CHRM3: variants seen among roughly 807,000 people sequenced by gnomAD.
The protein encoded by CHRM3 is cholinergic receptor muscarinic 3.
CHRM3 carries 11 observed loss-of-function variants against 41.8 expected under a neutral mutation model. That is an observed-to-expected ratio of 0.26 (90% confidence interval 0.17 to 0.44). The LOEUF (loss-of-function observed/expected upper bound fraction) is 0.44, where lower values mean the gene tolerates loss of function less well. Ranked by LOEUF, CHRM3 falls within the 20% of genes least tolerant of loss-of-function variation. The pLI is 1.00. For synonymous variants in CHRM3, 297 were observed against 301.4 expected, an observed-to-expected ratio of 0.99 and a Z score of 0.15; for missense variants, 571 against 745.4, an observed-to-expected ratio of 0.77 and a Z score of 2.72.
chr1:239,469,411 T>A (rs1218047738), intron 1 of CHRM3, among the ~76,000 whole-genome samples: 1 of 152,194 alleles, frequency 6.6e-6, no homozygotes, highest in African/African-American at 2.4e-5. Context: ...ACCTGGCACG[T>A]AGAAGGTTTT....
At chr1:239,734,972 A>C (rs1664277942) in intron 5 of CHRM3, among the ~76,000 whole-genome samples, 1 of 152,160 alleles carries the variant, frequency 6.6e-6, no homozygotes, top group Admixed American at 6.6e-5. Flanking sequence ...CATAGCATGT[A>C]TTCATTTGAA....
chr1:239,534,863 A>C (rs1455450496), intron 2 of CHRM3, among the ~76,000 whole-genome samples: 1 of 152,242 alleles, frequency 6.6e-6, no homozygotes, highest in Non-Finnish European at 1.5e-5. Context: ...TTATCATTAA[A>C]TGAAAGGTTC....
At chr1:239,806,012 A>G (rs1164741169) in intron 5 of CHRM3, among the ~76,000 whole-genome samples, 1 of 152,186 alleles carries the variant, frequency 6.6e-6, no homozygotes, top group Non-Finnish European at 1.5e-5. Context: ...CTGCATTTTG[A>G]AAGCTTTTGA....
chr1:239,569,266 G>T (rs1055623121), intron 3 of CHRM3, among the ~76,000 whole-genome samples: 2 of 152,130 alleles, frequency 1.3e-5, no homozygotes, highest in Non-Finnish European at 2.9e-5. Context: ...TTTAAAAATG[G>T]TAAATGGTGT....
At chr1:239,583,553 T>G (rs1663108989) in intron 3 of CHRM3, among the ~76,000 whole-genome samples, 1 of 152,164 alleles carries the variant, frequency 6.6e-6, no homozygotes, top group Non-Finnish European at 1.5e-5. Context: ...AGATACTTAG[T>G]CTAAGAATTT....
intron 2 of CHRM3, among the ~76,000 whole-genome samples, chr1:239,500,365 G>T (rs1214590386): frequency 6.8e-6 from 1 of 147,694 alleles, no homozygotes. Context: ...CTACCGCAAG[G>T]ACAAAAAACC....
rs775730263 is a variant in CHRM3 at position 239,908,883 on chromosome 1, C to T, written c.1432C>T (p.Arg478Trp). The T allele has an allele frequency of 1.7e-5, 28 of 1,613,968 alleles. No individual in the cohort carries two copies. The East Asian group carries it at 4.0e-4, about 23-fold the overall frequency. ...ALKTRSQITK[R>W]KRMSLVKEKK... ...GAAGACCAGAAGTCAGATCACTAAG[C>T]GGAAAAGGATGTCCCTGGTCAAGGA... Residue 478 changes from arginine (R) to tryptophan (W), a missense_variant, in exon 7 of 7, where the codon CGG (arginine) becomes TGG (tryptophan). Transcript: ENST00000676153. The surrounding 1 kb of genome is among the most constrained non-coding windows in gnomAD (Gnocchi z 7.2).
At chr1:239,747,908 G>A (rs1212542334) in intron 5 of CHRM3, among the ~76,000 whole-genome samples, 3 of 152,052 alleles carry the variant, frequency 2.0e-5, no homozygotes, top group Admixed American at 1.3e-4. Flanking sequence ...ATGGTGTCAC[G>A]TGCCTGTAAT....
intron 3 of CHRM3, among the ~76,000 whole-genome samples, chr1:239,564,594 T>A (rs1166421194): frequency 1.3e-5 from 2 of 152,218 alleles, no homozygotes; most frequent in Non-Finnish European, 2.9e-5. Flanking sequence ...AAAACTATTT[T>A]CCTGTCTCGT....
intron 3 of CHRM3, among the ~76,000 whole-genome samples, chr1:239,603,366 GT>G (rs1210051016): frequency 6.6e-6 from 1 of 152,126 alleles, no homozygotes; most frequent in Non-Finnish European, 1.5e-5. Context: ...AAATATCTAA[GT>G]TTTTCTGAAC....
At chr1:239,816,145 G>A (rs1279645108) in intron 5 of CHRM3, among the ~76,000 whole-genome samples, 1 of 152,070 alleles carries the variant, frequency 6.6e-6, no homozygotes, top group African/African-American at 2.4e-5. Flanking sequence ...TGCCATCTAG[G>A]TGGCCTAGTA....
At chr1:239,493,999 CA>C (rs1667723149) in intron 2 of CHRM3, among the ~76,000 whole-genome samples, 1 of 152,160 alleles carries the variant, frequency 6.6e-6, no homozygotes, top group Admixed American at 6.6e-5. Flanking sequence ...GGCTAACTCA[CA>C]GGCAATGTGC....
chr1:239,738,264 A>G (rs1392086807), intron 5 of CHRM3, among the ~76,000 whole-genome samples: 1 of 152,136 alleles, frequency 6.6e-6, no homozygotes, highest in Non-Finnish European at 1.5e-5. Flanking sequence ...TGATAACCCC[A>G]TGCCCTTCAT....
At chr1:239,780,694 C>A (rs966045701) in intron 5 of CHRM3, among the ~76,000 whole-genome samples, 2 of 152,090 alleles carry the variant, frequency 1.3e-5, no homozygotes, top group East Asian at 3.9e-4. Context: ...AAACCCAAGG[C>A]CACCTAGATT....
intron 5 of CHRM3, among the ~76,000 whole-genome samples, chr1:239,688,742 A>G (rs1337177900): frequency 7.3e-6 from 1 of 136,178 alleles, no homozygotes; most frequent in Non-Finnish European, 1.5e-5. Context: ...AATATTATAT[A>G]TAATACATTA....
intron 5 of CHRM3, among the ~76,000 whole-genome samples, chr1:239,727,061 T>A (rs963324303): frequency 1.3e-5 from 2 of 151,884 alleles, no homozygotes; most frequent in African/African-American, 2.4e-5. Flanking sequence ...CTCATGTGTA[T>A]TATAGTGATA....
chr1:239,618,632 C>G (rs991936050), intron 3 of CHRM3, among the ~76,000 whole-genome samples: 1 of 151,492 alleles, frequency 6.6e-6, no homozygotes, highest in African/African-American at 2.4e-5. Context: ...ATCACGAGGT[C>G]AGGAGATCGA....
intron 1 of CHRM3, among the ~76,000 whole-genome samples, chr1:239,455,100 G>A (rs997451397): frequency 7.2e-5 from 11 of 151,956 alleles, no homozygotes; most frequent in South Asian, 6.2e-4. Context: ...TTTTTGAGAC[G>A]GAGCACAATG....
At chr1:239,875,530 T>A (rs1009616844) in intron 6 of CHRM3, among the ~76,000 whole-genome samples, 3 of 152,258 alleles carry the variant, frequency 2.0e-5, no homozygotes, top group African/African-American at 7.2e-5. Context: ...AAAACCATTC[T>A]CAGCTCACAG....
Sources: gnomAD v4.1 joint callset for allele counts (sites outside exome capture counted in the v4.1 genomes callset) on GRCh38, gnomAD v4.1.1 for gene constraint, Gnocchi (gnomAD v3.1) non-coding constraint, MANE v1.5 for transcripts, NCBI Gene and HGNC (gene_info 2026-07-23, HGNC 2026-07-21) for gene names.